CTNNBIP1: variants seen among roughly 807,000 people sequenced by gnomAD.
The protein encoded by CTNNBIP1 is catenin beta interacting protein 1, also known as beta-catenin-interacting protein 1.
A neutral mutation model predicts 11.8 loss-of-function variants in CTNNBIP1; 7 were observed. The ratio of observed to expected loss-of-function variants is 0.60; its 90% CI spans 0.34 to 1.12. CTNNBIP1 has a LOEUF of 1.12. Among genes scored for constraint, CTNNBIP1 ranks in the 50% most tolerant of loss-of-function variants. The pLI is 0.03. For missense variants in CTNNBIP1, 101 were observed against 113.4 expected (o/e 0.89, Z 0.50); for synonymous variants, 58 against 43.9 (o/e 1.32, Z -1.26).
chr1:9,858,832 C>A (rs944977438), intron 5 of CTNNBIP1, among the ~76,000 whole-genome samples: 3 of 152,164 alleles, frequency 2.0e-5, no homozygotes, highest in African/African-American at 7.2e-5. Flanking sequence ...ACAGACAAAG[C>A]AACTCAGTGA....
Position 9,871,209 on chromosome 1 carries a change from C to A in CTNNBIP1, c.165G>T (p.Leu55=). ...AGVVNSQLSQ[L]PPHSIDQGAE... ...CACCCTGGTCGATGGAGTGCGGAGGCAGCTGGCTGAGCTGGCTGTTGACCA... is the reference window on the plus strand; with the variant it reads ...CACCCTGGTCGATGGAGTGCGGAGGAAGCTGGCTGAGCTGGCTGTTGACCA... Residue 55 remains leucine (L), a synonymous_variant, in exon 5 of 6, where the codon CTG becomes CTT. Coordinates refer to ENST00000377263, the MANE Select transcript of CTNNBIP1 (RefSeq NM_020248.3). The surrounding 1 kb of genome is among the most constrained non-coding windows in gnomAD (Gnocchi z 5.2). The A allele has an allele frequency of 1.9e-6, 3 of 1,578,986 alleles. No individual in the cohort carries two copies. Among genetic ancestry groups the A allele is most frequent in the Non-Finnish European group, 1.7e-6 (2 of 1,163,062 alleles).
intron 1 of CTNNBIP1, among the ~76,000 whole-genome samples, chr1:9,885,967 GAGTGCCTGGTATAC>G (rs1639180715): frequency 6.6e-6 from 1 of 151,130 alleles, no homozygotes; most frequent in African/African-American, 2.4e-5. Flanking sequence ...TTGGCCCAGT[GAGTGCCTGGTATAC>G]AGCAAAGGCT....
chr1:9,887,386 A>AG lies in CTNNBIP1; in HGVS notation c.-143-3649dup, dbSNP rs775567205. On this transcript the variant is annotated intron_variant, in intron 1 of 5. Coordinates refer to ENST00000377263, the MANE Select transcript of CTNNBIP1 (RefSeq NM_020248.3). ...TCCTAACAGCCCCTTCTGGCTCAGG[A>AG]GTTGACAGACGCATTATCCATTTTA... is the stretch of plus-strand genomic sequence containing the variant. 7.9e-5 allele frequency among the ~76,000 whole-genome samples: 12 copies of AG among 152,316 alleles called. No individual in the cohort carries two copies. In the South Asian group the frequency reaches 8.3e-4, roughly 11 times the overall value.
rs966866402 is a variant in CTNNBIP1, at chr1:9,883,929, A to G, written c.-143-191T>C. On this transcript the variant is annotated intron_variant, in intron 1 of 5. Transcript: ENST00000377263. This position sits in a 1 kb window ranked among gnomAD's most constrained non-coding sequence, Gnocchi z 5.6. ...GAGGTCACCACCCAAACAGTCAAGGAGGAAGAAGGTGGGGGAACGGGAGTC... is the reference window on the plus strand; with the variant it reads ...GAGGTCACCACCCAAACAGTCAAGGGGGAAGAAGGTGGGGGAACGGGAGTC... 6.6e-6 allele frequency among the ~76,000 whole-genome samples: 1 copy of G among 152,132 alleles called. No homozygotes were observed. The highest frequency in any genetic ancestry group is 1.5e-5 in the Non-Finnish European group (1 of 68,024).
intron 5 of CTNNBIP1, among the ~76,000 whole-genome samples, chr1:9,861,004 A>T (rs907698835): frequency 1.3e-5 from 2 of 152,186 alleles, no homozygotes; most frequent in African/African-American, 4.8e-5. Flanking sequence ...AGGGAATGCC[A>T]CCTGGCAAGC....
Position 9,871,320 on chromosome 1 carries a change from T to C in CTNNBIP1, c.97-43A>G. 1.0e-5 allele frequency: 15 copies of C among 1,452,648 alleles called. No individual in the cohort carries two copies. Among genetic ancestry groups the C allele is most frequent in the Non-Finnish European group, 1.4e-5 (15 of 1,060,430 alleles). 90.0% of individuals were successfully genotyped at this position (1,452,648 alleles called of 1,614,324 possible). A position where few individuals can be genotyped will look rare whatever the true frequency, so the allele number is the denominator to read the frequency against. ...TGTGGTGAGGGGCAGCATGCACCTGTTCCCTGAAAGGCACCTGCACCCCTA... is the reference window on the plus strand; with the variant it reads ...TGTGGTGAGGGGCAGCATGCACCTGCTCCCTGAAAGGCACCTGCACCCCTA... On this transcript the variant is annotated intron_variant, in intron 4 of 5. Coordinates refer to ENST00000377263, the MANE Select transcript of CTNNBIP1 (RefSeq NM_020248.3). This position sits in a 1 kb window ranked among gnomAD's most constrained non-coding sequence, Gnocchi z 5.2.
intron 5 of CTNNBIP1, among the ~76,000 whole-genome samples, chr1:9,870,672 A>T (rs1570572570): frequency 6.6e-6 from 1 of 152,222 alleles, no homozygotes; most frequent in Admixed American, 6.5e-5. Context: ...CACCCCAAAA[A>T]GACAGAACTC....
intron 1 of CTNNBIP1, among the ~76,000 whole-genome samples, chr1:9,890,128 C>T (rs1639272263): frequency 6.6e-6 from 1 of 152,112 alleles, no homozygotes; most frequent in African/African-American, 2.4e-5. Flanking sequence ...TGATTCTGGC[C>T]CAGATCTCGT....
chr1:9,887,378 G>A (rs1204003812), intron 1 of CTNNBIP1, among the ~76,000 whole-genome samples: 2 of 152,170 alleles, frequency 1.3e-5, no homozygotes, highest in African/African-American at 4.8e-5. Context: ...AGCCCCTTCT[G>A]GCTCAGGAGT....
At chr1:9,857,581 A>T (rs1160940024) in intron 5 of CTNNBIP1, among the ~76,000 whole-genome samples, 1 of 151,866 alleles carries the variant, frequency 6.6e-6, no homozygotes, top group African/African-American at 2.4e-5. Context: ...CGGGCAGATC[A>T]CCTGAGGTCA....
chr1:9,905,727 G>A (rs554389064), intron 1 of CTNNBIP1, among the ~76,000 whole-genome samples: 22 of 150,944 alleles, frequency 1.5e-4, no homozygotes, highest in African/African-American at 5.1e-4. Flanking sequence ...ACCGCGCCCG[G>A]CCTCACCACC....
At chr1:9,894,104 G>A (rs1477116176) in intron 1 of CTNNBIP1, among the ~76,000 whole-genome samples, 1 of 152,078 alleles carries the variant, frequency 6.6e-6, no homozygotes, top group African/African-American at 2.4e-5. Context: ...AGCCACGGAA[G>A]AGCTAAAAGA....
chr1:9,864,175 C>A lies in CTNNBIP1; in HGVS notation c.187+7012G>T, dbSNP rs572436000. ...GAGGCAGGAACAGGCCTGGGAGCCC[C>A]GGTGCCAGCACACAGCTCCCAGAGA... On this transcript the variant is annotated intron_variant, in intron 5 of 5. Transcript: ENST00000377263. 4.2e-4 allele frequency among the ~76,000 whole-genome samples: 64 copies of A among 152,144 alleles called. 2 individuals are homozygous for A. In the South Asian group the frequency reaches 0.013, roughly 31 times the overall value.
At chr1:9,850,800 G>C in intron 5 of CTNNBIP1, 24 bp from the exon 6 acceptor site, 9 of 1,611,442 alleles carry the variant, frequency 5.6e-6, no homozygotes, top group Non-Finnish European at 7.6e-6. Context: ...GACAAGGATC[G>C]CTGATGGGGC....
rs527731512 is a variant in CTNNBIP1, at chr1:9,896,974, CA to C, written c.-144+13120del. Among the ~76,000 whole-genome samples, 480 of 131,832 alleles carry C rather than the reference CA, an allele frequency of 3.6e-3. 1 individual carries two copies. Among genetic ancestry groups the C allele is most frequent in the African/African-American group, 9.6e-3 (344 of 35,884 alleles). The allele number at this position is 131,832 out of a possible 152,430, so 86.5% of individuals were successfully genotyped here. Reference sequence around the variant, plus strand: ...AGAGTGAGATTCTGTCTCAAACAAACAAAAAAAAAAAATGAAAATTAGCCGG... The same window carrying C: ...AGAGTGAGATTCTGTCTCAAACAAACAAAAAAAAAAATGAAAATTAGCCGG... On this transcript the variant is annotated intron_variant, in intron 1 of 5. Coordinates refer to ENST00000377263, the MANE Select transcript of CTNNBIP1 (RefSeq NM_020248.3).
At chr1:9,863,735 G>C (rs1638683063) in intron 5 of CTNNBIP1, among the ~76,000 whole-genome samples, 1 of 152,218 alleles carries the variant, frequency 6.6e-6, no homozygotes. Flanking sequence ...ACTTGGAAGG[G>C]GTCAGCGAGG....
intron 1 of CTNNBIP1, among the ~76,000 whole-genome samples, chr1:9,891,153 C>T (rs1466267195): frequency 8.8e-6 from 1 of 113,522 alleles, no homozygotes; most frequent in Non-Finnish European, 1.8e-5. Flanking sequence ...CTATTTTTGG[C>T]GGGGGTGGGG....
At chr1:9,899,194 G>A (rs998802184) in intron 1 of CTNNBIP1, among the ~76,000 whole-genome samples, 2 of 152,278 alleles carry the variant, frequency 1.3e-5, no homozygotes, top group East Asian at 1.9e-4. Context: ...GGTGGCTCAC[G>A]CCTGTGATCC....
intron 5 of CTNNBIP1, among the ~76,000 whole-genome samples, chr1:9,865,945 G>A (rs1638734695): frequency 1.3e-5 from 2 of 152,226 alleles, no homozygotes; most frequent in Non-Finnish European, 2.9e-5. Flanking sequence ...TCCTGCAGCT[G>A]CCCCTTCCCA....
Sources: allele counts gnomAD v4.1 joint callset (sites outside exome capture counted in the v4.1 genomes callset), GRCh38; gene constraint gnomAD v4.1.1; non-coding constraint Gnocchi (gnomAD v3.1); transcripts MANE v1.5; gene names NCBI Gene and HGNC (gene_info 2026-07-23, HGNC 2026-07-21).